PPP3CC: variants seen among roughly 807,000 people sequenced by gnomAD.
PPP3CC encodes serine/threonine-protein phosphatase 2B catalytic subunit gamma isoform.
In PPP3CC, 35 loss-of-function variants were observed where a neutral mutation model predicts 60.3. That is an observed-to-expected ratio of 0.58 (90% CI 0.44 to 0.77). PPP3CC has a LOEUF of 0.77. PPP3CC is among the 30% of genes least tolerant of loss of function. The pLI is 0.00. For synonymous variants in PPP3CC, 206 were observed against 224.3 expected (o/e 0.92, Z 0.73); for missense variants, 570 against 628.9 (o/e 0.91, Z 1.00).
At chr8:22,524,572 T>C (rs932784215) in intron 8 of PPP3CC, among the ~76,000 whole-genome samples, 2 of 152,220 alleles carry the variant, frequency 1.3e-5, no homozygotes, top group Non-Finnish European at 2.9e-5. Flanking sequence ...TTTATTCTTA[T>C]TTATTCTCTT....
chr8:22,498,778 G>C (rs1371392540), intron 4 of PPP3CC, among the ~76,000 whole-genome samples: 1 of 152,108 alleles, frequency 6.6e-6, no homozygotes, highest in South Asian at 2.1e-4. Flanking sequence ...GGATATTTAG[G>C]TTGTTTCTAA....
At chr8:22,451,431 C>T (rs886688701) in intron 1 of PPP3CC, among the ~76,000 whole-genome samples, 2 of 152,200 alleles carry the variant, frequency 1.3e-5, no homozygotes, top group African/African-American at 4.8e-5. Flanking sequence ...CCACTGTGTC[C>T]GGCCCCCAGC....
At chr8:22,517,777 A>G (rs1040826286) in intron 6 of PPP3CC, among the ~76,000 whole-genome samples, 18 of 151,050 alleles carry the variant, frequency 1.2e-4, no homozygotes, top group African/African-American at 4.1e-4. Context: ...GGGTTTGTCA[A>G]TTTTGTTTAG....
intron 3 of PPP3CC, among the ~76,000 whole-genome samples, chr8:22,477,124 T>C (rs1263766172): frequency 1.3e-5 from 2 of 152,130 alleles, no homozygotes; most frequent in African/African-American, 2.4e-5. Flanking sequence ...GACTGTATCA[T>C]TGAGGAGCTT....
At chr8:22,445,106 G>T (rs116466666) in intron 1 of PPP3CC, among the ~76,000 whole-genome samples, 1 of 152,270 alleles carries the variant, frequency 6.6e-6, no homozygotes, top group African/African-American at 2.4e-5. Flanking sequence ...CTTTCTCTTA[G>T]AATTCAAATA....
At chr8:22,475,242 G>T (rs929778412) in intron 2 of PPP3CC, 91 bp downstream of exon 2, 2 of 1,252,756 alleles carry the variant, frequency 1.6e-6, no homozygotes, top group Non-Finnish European at 2.2e-6. Context: ...CTAAAAAGTG[G>T]TGTGGTAATT....
chr8:22,458,816 T>TG (rs931884885), intron 1 of PPP3CC, among the ~76,000 whole-genome samples: 1 of 152,118 alleles, frequency 6.6e-6, no homozygotes, highest in African/African-American at 2.4e-5. Context: ...TCTCCCCAAC[T>TG]GGTGTTGGAG....
intron 8 of PPP3CC, among the ~76,000 whole-genome samples, chr8:22,524,973 C>T (rs1839499935): frequency 6.6e-6 from 1 of 152,060 alleles, no homozygotes; most frequent in South Asian, 2.1e-4. Flanking sequence ...CAAAATGTGA[C>T]CCCATCTTTA....
intron 12 of PPP3CC, among the ~76,000 whole-genome samples, chr8:22,537,862 A>C (rs1446179342): frequency 6.6e-6 from 1 of 152,214 alleles, no homozygotes. Flanking sequence ...CTAGAGAGAA[A>C]GTAGATTCGT....
chr8:22,472,416 G>C (rs1317319374), intron 1 of PPP3CC, among the ~76,000 whole-genome samples: 1 of 81,474 alleles, frequency 1.2e-5, no homozygotes, highest in East Asian at 5.2e-4. Context: ...ACTGAGCCTA[G>C]GTCTACACAG....
chr8:22,466,787 T>G (rs1334817225), intron 1 of PPP3CC, among the ~76,000 whole-genome samples: 1 of 152,202 alleles, frequency 6.6e-6, no homozygotes, highest in Non-Finnish European at 1.5e-5. Flanking sequence ...GGAGTCTCAC[T>G]CTGTTGTCCA....
intron 4 of PPP3CC, among the ~76,000 whole-genome samples, chr8:22,499,308 G>A (rs1247344957): frequency 4.7e-5 from 7 of 150,514 alleles, no homozygotes; most frequent in Admixed American, 2.0e-4. Flanking sequence ...GCGCGGTGGC[G>A]GGCGCCTGTA....
Position 22,522,761 on chromosome 8 carries a change from C to G in PPP3CC, c.943+12C>G, listed in dbSNP as rs781599457. 2 of 1,531,114 alleles carry G rather than the reference C, an allele frequency of 1.3e-6. No individual in the cohort carries two copies. The highest frequency in any genetic ancestry group is 2.3e-5 in the South Asian group (2 of 88,614). 94.8% of individuals were successfully genotyped at this position (1,531,114 alleles called of 1,614,324 possible). A position where few individuals can be genotyped will look rare whatever the true frequency, so the allele number is the denominator to read the frequency against. On this transcript the variant is annotated intron_variant, in intron 8 of 13. Transcript: ENST00000240139. ...CTATAACAATAAAGGTAAAGGAATC[C>G]AGCAATATTTGAGTTTGAATTTATG...
chr8:22,468,505 T>C (rs1055147322), intron 1 of PPP3CC, among the ~76,000 whole-genome samples: 25 of 152,248 alleles, frequency 1.6e-4, no homozygotes, highest in African/African-American at 5.8e-4. Context: ...TTTACATATT[T>C]ATCCCTTTCA....
At chr8:22,510,849 A>G in intron 4 of PPP3CC, 1 of 459,290 alleles carries the variant, frequency 2.2e-6, no homozygotes, top group Non-Finnish European at 3.9e-6. Context: ...ACCTTATCAC[A>G]TTTCCAAGCA....
chr8:22,441,855 C>T (rs1836683612), intron 1 of PPP3CC, among the ~76,000 whole-genome samples: 1 of 152,180 alleles, frequency 6.6e-6, no homozygotes, highest in African/African-American at 2.4e-5. Context: ...GACGTCCGCC[C>T]CCCACCCTTT....
chr8:22,444,509 A>G (rs942204014), intron 1 of PPP3CC, among the ~76,000 whole-genome samples: 3 of 152,258 alleles, frequency 2.0e-5, no homozygotes, highest in Non-Finnish European at 4.4e-5. Context: ...GTGAATACCT[A>G]TTCTACAGCA....
At chr8:22,489,963 A>G (rs375793395) in intron 3 of PPP3CC, among the ~76,000 whole-genome samples, 14 of 151,212 alleles carry the variant, frequency 9.3e-5, no homozygotes, top group Admixed American at 4.0e-4. Flanking sequence ...CTGGGATTAG[A>G]GGCGCATGCT....
chr8:22,448,181 A>G (rs1305791750), intron 1 of PPP3CC, among the ~76,000 whole-genome samples: 2 of 152,180 alleles, frequency 1.3e-5, no homozygotes, highest in African/African-American at 4.8e-5. Flanking sequence ...TGAACTCTAA[A>G]AATTTCAAAG....
Sources: gnomAD v4.1 joint callset for allele counts (sites outside exome capture counted in the v4.1 genomes callset) on GRCh38, gnomAD v4.1.1 for gene constraint, MANE v1.5 for transcripts, NCBI Gene and HGNC (gene_info 2026-07-23, HGNC 2026-07-21) for gene names.